The following MAP3K20 variants were observed in gnomAD, a reference collection of about 807,000 sequenced individuals.
MAP3K20 encodes mitogen-activated protein kinase kinase kinase 20.
Under a neutral mutation model 85.7 loss-of-function variants are expected in MAP3K20, and 40 were observed. The ratio of observed to expected loss-of-function variants is 0.47; its 90% CI spans 0.36 to 0.61. The LOEUF (loss-of-function observed/expected upper bound fraction) is 0.61. MAP3K20 is among the 20% of genes least tolerant of loss of function. The pLI, the probability that MAP3K20 is intolerant of heterozygous loss-of-function variation, is 0.00. For synonymous variants in MAP3K20, 325 were observed against 327.7 expected (o/e 0.99, Z 0.09); for missense variants, 817 against 961.7 (o/e 0.85, Z 1.99).
intron 8 of MAP3K20, among the ~76,000 whole-genome samples, chr2:173,199,726 GTATAAGACAGAATAATTAAT>G (rs1260529243): frequency 6.9e-6 from 1 of 144,530 alleles, no homozygotes; most frequent in Admixed American, 7.1e-5. Context: ...CTCCAAATAT[GTATAAGACAGAATAATTAAT>G]ATTTTTAAAT....
chr2:173,163,832 G>T (rs1689734905), intron 2 of MAP3K20, among the ~76,000 whole-genome samples: 2 of 152,138 alleles, frequency 1.3e-5, no homozygotes, highest in Non-Finnish European at 2.9e-5. Context: ...TTGAATGCTA[G>T]TTCTGTTTTA....
rs549497827 is a variant in MAP3K20 at position 173,107,919 on chromosome 2, C to T, written c.159+16729C>T. Among the ~76,000 whole-genome samples, 55 of 152,258 alleles carry T rather than the reference C, an allele frequency of 3.6e-4. 2 individuals are homozygous for T. In the South Asian group the frequency reaches 0.011, roughly 30 times the overall value. ...AACATATTCGAGATTTCTCCTCTCC[C>T]CTGTGGCTTGTTAGCACTATTTCAG... is the stretch of plus-strand genomic sequence containing the variant. On this transcript the variant is annotated intron_variant, in intron 2 of 19. Coordinates refer to ENST00000375213, the MANE Select transcript of MAP3K20 (RefSeq NM_016653.3).
intron 10 of MAP3K20, chr2:173,210,263 G>A (rs1259711469): frequency 6.0e-6 from 1 of 166,916 alleles, no homozygotes; most frequent in East Asian, 1.7e-4. Flanking sequence ...TGAGGCAGGA[G>A]AATCACTTGA....
At position 173,209,844 on chromosome 2, in the gene MAP3K20, C is replaced by A. The variant is rs1438044032; in HGVS notation, c.851+9C>A. The A allele has an allele frequency of 1.9e-6, 3 of 1,611,416 alleles. No homozygotes were observed. The highest frequency in any genetic ancestry group is 2.5e-6 in the Non-Finnish European group (3 of 1,177,682). On this transcript the variant is annotated intron_variant, in intron 10 of 19. Transcript: ENST00000375213. Reference sequence around the variant, plus strand: ...AACAAGGCGGAGTGGAGGTGGGTAGCCCCGACAGCAGGCCACAGCGTCTGG... The same window carrying A: ...AACAAGGCGGAGTGGAGGTGGGTAGACCCGACAGCAGGCCACAGCGTCTGG...
chr2:173,081,929 G>A (rs1014397579), intron 1 of MAP3K20, among the ~76,000 whole-genome samples: 3 of 152,074 alleles, frequency 2.0e-5, no homozygotes, highest in Non-Finnish European at 4.4e-5. Flanking sequence ...ACTCTACACC[G>A]CATATCCCAT....
chr2:173,181,758 CATT>C (rs1450721229), intron 3 of MAP3K20, among the ~76,000 whole-genome samples: 1 of 152,006 alleles, frequency 6.6e-6, no homozygotes, highest in Non-Finnish European at 1.5e-5. Context: ...ACTTTGAAAA[CATT>C]ATGCGGCCAG....
intron 3 of MAP3K20, among the ~76,000 whole-genome samples, chr2:173,171,707 T>C (rs2106252343): frequency 6.6e-6 from 1 of 152,352 alleles, no homozygotes; most frequent in Middle Eastern, 3.4e-3. Flanking sequence ...CTACTCATAC[T>C]TGCACCTACC....
At chr2:173,144,166 TAAAAG>T (rs932525533) in intron 2 of MAP3K20, among the ~76,000 whole-genome samples, 14 of 149,070 alleles carry the variant, frequency 9.4e-5, no homozygotes, top group African/African-American at 3.0e-4. Flanking sequence ...GAAAAGAAAA[TAAAAG>T]AAAGAAAGAA....
chr2:173,174,261 G>A (rs925804262), intron 3 of MAP3K20, among the ~76,000 whole-genome samples: 10 of 152,074 alleles, frequency 6.6e-5, no homozygotes, highest in African/African-American at 1.9e-4. Context: ...GTGCAGGTTT[G>A]TTACATAGGT....
intron 1 of MAP3K20, among the ~76,000 whole-genome samples, chr2:173,081,017 T>C (rs1686998537): frequency 6.6e-6 from 1 of 152,186 alleles, no homozygotes; most frequent in African/African-American, 2.4e-5. Flanking sequence ...ATGAATGTTT[T>C]CCTTCAAGAA....
intron 2 of MAP3K20, among the ~76,000 whole-genome samples, chr2:173,155,812 C>G (rs191861379): frequency 1.3e-5 from 2 of 152,224 alleles, no homozygotes; most frequent in Admixed American, 6.5e-5. Context: ...TTAAACGGAA[C>G]CTTGATCTCT....
At chr2:173,113,292 TG>T (rs1203612854) in intron 2 of MAP3K20, among the ~76,000 whole-genome samples, 1 of 152,176 alleles carries the variant, frequency 6.6e-6, no homozygotes, top group Non-Finnish European at 1.5e-5. Context: ...CTTCTTTGCT[TG>T]GTTAATCTTG....
Position 173,219,865 on chromosome 2 carries a change from A to G in MAP3K20, c.987+2615A>G, listed in dbSNP as rs530809028. 6.9e-3 allele frequency among the ~76,000 whole-genome samples: 1,050 copies of G among 152,140 alleles called. 10 individuals carry two copies. The highest frequency in any genetic ancestry group is 0.011 in the Non-Finnish European group (717 of 67,990). On this transcript the variant is annotated intron_variant, in intron 11 of 19. Transcript: ENST00000375213. ...GGGTGGATCACGAGGTCAGGCGTTC[A>G]AGACCAGCCTGGACAGCATAGTGAA... is the stretch of plus-strand genomic sequence containing the variant.
At chr2:173,238,516 A>G (rs532515421) in intron 15 of MAP3K20, 81 bp downstream of exon 15, 70 of 1,273,796 alleles carry the variant, frequency 5.5e-5, no homozygotes, top group Admixed American at 2.5e-4. Flanking sequence ...AAATTTGCCA[A>G]TGTCAGTAAT....
intron 1 of MAP3K20, among the ~76,000 whole-genome samples, chr2:173,076,692 C>T (rs544419390): frequency 2.0e-5 from 3 of 152,388 alleles, no homozygotes; most frequent in Admixed American, 6.5e-5. Flanking sequence ...CTTCCTGCCC[C>T]GGGCTTGGGC....
intron 18 of MAP3K20, among the ~76,000 whole-genome samples, chr2:173,261,459 T>A (rs997014311): frequency 2.6e-5 from 4 of 152,180 alleles, no homozygotes; most frequent in Non-Finnish European, 4.4e-5. Flanking sequence ...TAATTTTTTT[T>A]AAATCAACAA....
intron 16 of MAP3K20, among the ~76,000 whole-genome samples, chr2:173,256,152 C>A (rs1386386783): frequency 6.6e-6 from 1 of 152,240 alleles, no homozygotes; most frequent in Non-Finnish European, 1.5e-5. Flanking sequence ...AAACATCAGG[C>A]ACCCCCAGCT....
intron 11 of MAP3K20, chr2:173,224,547 T>C: frequency 1.0e-6 from 1 of 985,378 alleles, no homozygotes. Flanking sequence ...CTCACCAGTA[T>C]TCCAGAGATG....
chr2:173,182,631 C>T (rs1177272175), intron 3 of MAP3K20, among the ~76,000 whole-genome samples: 6 of 152,136 alleles, frequency 3.9e-5, no homozygotes, highest in Admixed American at 2.6e-4. Flanking sequence ...GCTTTTGATT[C>T]TCAACTGAAG....
Sources: gnomAD v4.1 joint callset for allele counts (sites outside exome capture counted in the v4.1 genomes callset) on GRCh38, gnomAD v4.1.1 for gene constraint, MANE v1.5 for transcripts, NCBI Gene and HGNC (gene_info 2026-07-23, HGNC 2026-07-21) for gene names.